MIGA2: variants seen among roughly 807,000 people sequenced by gnomAD.
The protein encoded by MIGA2 is mitoguardin 2.
Under a neutral mutation model 69.9 loss-of-function variants are expected in MIGA2, and 36 were observed. That is an observed-to-expected ratio of 0.52 (90% CI 0.39 to 0.68). The LOEUF is 0.68. Ranked by LOEUF, MIGA2 falls within the 30% of genes least tolerant of loss-of-function variation. MIGA2 has a pLI of 0.00. For missense variants in MIGA2, 660 were observed against 787.7 expected, an observed-to-expected ratio of 0.84 and a Z score of 1.94; for synonymous variants, 333 against 349.2, an observed-to-expected ratio of 0.95 and a Z score of 0.52.
intron 6 of MIGA2, among the ~76,000 whole-genome samples, chr9:129,052,799 C>G (rs566784642): frequency 6.6e-6 from 1 of 152,066 alleles, no homozygotes; most frequent in Non-Finnish European, 1.5e-5. Context: ...CCTGCTGGGG[C>G]GTGAGCTCAG....
chr9:129,056,659 C>T (rs1845812476), intron 6 of MIGA2, among the ~76,000 whole-genome samples: 1 of 151,940 alleles, frequency 6.6e-6, no homozygotes. Context: ...GCTGGAATTA[C>T]AGGCGCACAC....
At position 129,069,153 on chromosome 9, in the gene MIGA2, G is replaced by A. The variant is rs769231327; in HGVS notation, c.1458+24G>A. 2 of 1,613,456 alleles carry A rather than the reference G, an allele frequency of 1.2e-6. No homozygotes were observed. Among genetic ancestry groups the A allele is most frequent in the East Asian group, 2.2e-5 (1 of 44,890 alleles). Reference sequence around the variant, plus strand: ...TGGTGAGTGACTGGCAGGCCCGGGGGAGCACGAGCTGGGCTCTGAGGCAGC... The same window carrying A: ...TGGTGAGTGACTGGCAGGCCCGGGGAAGCACGAGCTGGGCTCTGAGGCAGC... On this transcript the variant is annotated intron_variant, in intron 14 of 15. Coordinates refer to ENST00000684074, the MANE Select transcript of MIGA2 (RefSeq NM_001329990.2). This position sits in a 1 kb window ranked among gnomAD's most constrained non-coding sequence, Gnocchi z 4.9.
chr9:129,055,848 G>GA (rs561485747), intron 6 of MIGA2, among the ~76,000 whole-genome samples: 26,615 of 135,300 alleles, frequency 0.2, 3,365 homozygotes, highest in African/African-American at 0.38. Flanking sequence ...GACTCCATCT[G>GA]AAAAAAAAAA....
Position 129,060,564 on chromosome 9 carries a change from C to T in MIGA2, c.808C>T (p.Leu270=). Residue 270 remains leucine (L), a synonymous_variant, in exon 8 of 16, where the codon CTG becomes TTG. Coordinates refer to ENST00000684074, the MANE Select transcript of MIGA2 (RefSeq NM_001329990.2). The surrounding 1 kb of genome is among the most constrained non-coding windows in gnomAD (Gnocchi z 4.8). ...MLLDLERTLM[L]PLTEGSLRLR... Reference sequence around the variant, plus strand: ...GCTCTTCCCAGAGAGGACCCTCATGCTGCCCCTGACCGAGGGCTCGCTGCG... The same window carrying T: ...GCTCTTCCCAGAGAGGACCCTCATGTTGCCCCTGACCGAGGGCTCGCTGCG... The T allele has an allele frequency of 6.3e-7, 1 of 1,599,434 alleles. No homozygotes were observed. Among genetic ancestry groups the T allele is most frequent in the Non-Finnish European group, 8.5e-7 (1 of 1,172,626 alleles).
In MIGA2 at chr9:129,060,735, G is replaced by A. The variant is rs1041913624; in HGVS notation, c.894+85G>A. 16 of 1,136,652 alleles carry A rather than the reference G, an allele frequency of 1.4e-5. 1 individual carries two copies. The Middle Eastern group carries it at 1.6e-3, about 111-fold the overall frequency. 70.4% of individuals were successfully genotyped at this position (1,136,652 alleles called of 1,614,324 possible). ...CCATGGGGCCAGCACTGGGTCATGG[G>A]AAAGTGGAGGCATTTCCTCTGATGG... On this transcript the variant is annotated intron_variant, in intron 8 of 15. Coordinates refer to ENST00000684074, the MANE Select transcript of MIGA2 (RefSeq NM_001329990.2). The surrounding 1 kb of genome is among the most constrained non-coding windows in gnomAD (Gnocchi z 4.8).
intron 3 of MIGA2, among the ~76,000 whole-genome samples, chr9:129,044,372 A>G (rs1046653649): frequency 1.3e-5 from 2 of 151,586 alleles, no homozygotes; most frequent in African/African-American, 4.8e-5. Context: ...CTATCGTTGT[A>G]TCACTCTCTA....
Position 129,059,091 on chromosome 9 carries a change from G to A in MIGA2, c.676-63G>A. 1.4e-6 allele frequency: 2 copies of A among 1,473,380 alleles called. No homozygotes were observed. The highest frequency in any genetic ancestry group is 2.3e-5 in the East Asian group (1 of 43,862). 91.3% of individuals were successfully genotyped at this position (1,473,380 alleles called of 1,614,324 possible). A position where few individuals can be genotyped will look rare whatever the true frequency, so the allele number is the denominator to read the frequency against. ...TTTCCCCAGGGACCTGGGGGTGAGG[G>A]AAGGGGCCATTTTCATCGGGAGCTT... On this transcript the variant is annotated intron_variant, in intron 6 of 15. Coordinates refer to ENST00000684074, the MANE Select transcript of MIGA2 (RefSeq NM_001329990.2). The surrounding 1 kb of genome is among the most constrained non-coding windows in gnomAD (Gnocchi z 5.6).
In MIGA2 at chr9:129,060,188, G is replaced by A. The variant is rs1381618011; in HGVS notation, c.794-362G>A. 1.3e-5 allele frequency among the ~76,000 whole-genome samples: 2 copies of A among 152,138 alleles called. No individual in the cohort carries two copies. Among genetic ancestry groups the A allele is most frequent in the East Asian group, 3.9e-4 (2 of 5,180 alleles). ...AGTTTCAGCTTGTCAGAGGAGAGAGGCGATTTCCCCGGGGCCACACAGTTC... is the reference window on the plus strand; with the variant it reads ...AGTTTCAGCTTGTCAGAGGAGAGAGACGATTTCCCCGGGGCCACACAGTTC... On this transcript the variant is annotated intron_variant, in intron 7 of 15. Coordinates refer to ENST00000684074, the MANE Select transcript of MIGA2 (RefSeq NM_001329990.2). This position sits in a 1 kb window ranked among gnomAD's most constrained non-coding sequence, Gnocchi z 4.8.
In MIGA2 at chr9:129,068,472, AC is replaced by A; in HGVS notation, c.1404+142del. The A allele has an allele frequency of 8.2e-7, 1 of 1,226,734 alleles. No homozygotes were observed. Among genetic ancestry groups the A allele is most frequent in the Non-Finnish European group, 1.1e-6 (1 of 886,920 alleles). The allele number at this position is 1,226,734 out of a possible 1,614,324, so 76.0% of individuals were successfully genotyped here. Reference sequence around the variant, plus strand: ...GATCCGCGGCTGCCAGGCCTGGGAGACCAGAGTCTGCCCTGGAGAAGCCTCC... The same window carrying A: ...GATCCGCGGCTGCCAGGCCTGGGAGACAGAGTCTGCCCTGGAGAAGCCTCC... On this transcript the variant is annotated intron_variant, in intron 13 of 15. Transcript: ENST00000684074. This position sits in a 1 kb window ranked among gnomAD's most constrained non-coding sequence, Gnocchi z 4.1.
At chr9:129,051,709 G>A (rs1845552551) in intron 6 of MIGA2, among the ~76,000 whole-genome samples, 1 of 150,986 alleles carries the variant, frequency 6.6e-6, no homozygotes. Context: ...CCATTCTCTT[G>A]CCTCAGCCTC....
intron 12 of MIGA2, 40 bp downstream of exon 12, chr9:129,067,911 C>A: frequency 6.3e-7 from 1 of 1,582,654 alleles, no homozygotes; most frequent in South Asian, 1.1e-5. Context: ...CCCGGGCTCC[C>A]CTGCATCTGA....
intron 3 of MIGA2, among the ~76,000 whole-genome samples, chr9:129,045,366 C>T (rs779879699): frequency 8.7e-5 from 12 of 138,274 alleles, no homozygotes; most frequent in Non-Finnish European, 9.1e-5. Context: ...CGCTTGAACC[C>T]GGGAGGCAGA....
intron 3 of MIGA2, among the ~76,000 whole-genome samples, chr9:129,044,200 GC>G (rs1845080817): frequency 6.6e-6 from 1 of 151,562 alleles, no homozygotes; most frequent in Non-Finnish European, 1.5e-5. Context: ...CACCATGTTA[GC>G]CAGGCTGGTC....
chr9:129,070,050 C>T (rs1846588638), intron 15 of MIGA2, 85 bp downstream of exon 15: 9 of 1,274,406 alleles, frequency 7.1e-6, no homozygotes, highest in South Asian at 2.8e-5. Flanking sequence ...GGATGAGGGC[C>T]TGGGCCTGGG....
Position 129,061,263 on chromosome 9 carries a change from G to A in MIGA2, c.927G>A (p.Pro309=), listed in dbSNP as rs769104486. 3.8e-5 allele frequency: 61 copies of A among 1,610,930 alleles called. No homozygotes were observed. The highest frequency in any genetic ancestry group is 4.6e-5 in the Non-Finnish European group (54 of 1,179,068). ...AGTCCCTGCAGACTGGAGATTACCC[G>A]ATCCCACTCTCCAGACCCGCCGCTG... ...LFESLQTGDY[P]IPLSRPAAAY... Residue 309 remains proline, a synonymous_variant, in exon 9 of 16, where the codon CCG becomes CCA. Transcript: ENST00000684074. This position sits in a 1 kb window ranked among gnomAD's most constrained non-coding sequence, Gnocchi z 5.0.
intron 6 of MIGA2, among the ~76,000 whole-genome samples, 195 bp downstream of exon 6, chr9:129,050,158 G>T (rs1426092110): frequency 6.6e-6 from 1 of 152,240 alleles, no homozygotes; most frequent in Non-Finnish European, 1.5e-5. Flanking sequence ...GGTAAAAACA[G>T]CCGTACTGAG....
intron 3 of MIGA2, among the ~76,000 whole-genome samples, chr9:129,044,753 A>ATGTTGGCCAGGCTGGTCTG (rs376972819): frequency 6.6e-6 from 1 of 151,060 alleles, no homozygotes; most frequent in Non-Finnish European, 1.5e-5. Context: ...GGGTTTCACC[A>ATGTTGGCCAGGCTGGTCTG]TGTTGGCCAG....
rs1300275231 is a variant in MIGA2 at position 129,040,780 on chromosome 9, C to T, written c.96+90C>T. On this transcript the variant is annotated intron_variant, in intron 2 of 15. Coordinates refer to ENST00000684074, the MANE Select transcript of MIGA2 (RefSeq NM_001329990.2). ...TCCGTGTCCAGGAACGCTGAGCCCTCGTTCTTGCTTTGCCAAACCTCTGGT... is the reference window on the plus strand; with the variant it reads ...TCCGTGTCCAGGAACGCTGAGCCCTTGTTCTTGCTTTGCCAAACCTCTGGT... 1.2e-5 allele frequency: 15 copies of T among 1,222,090 alleles called. No homozygotes were observed. In the Admixed American group the frequency reaches 2.5e-4, roughly 21 times the overall value. 75.7% of individuals were successfully genotyped at this position (1,222,090 alleles called of 1,614,324 possible). A position where few individuals can be genotyped will look rare whatever the true frequency, so the allele number is the denominator to read the frequency against.
At chr9:129,051,935 C>T (rs1167073907) in intron 6 of MIGA2, among the ~76,000 whole-genome samples, 2 of 151,890 alleles carry the variant, frequency 1.3e-5, no homozygotes, top group Non-Finnish European at 2.9e-5. Context: ...ACGCCACTCT[C>T]CTGCCTCAGC....
Sources: gnomAD v4.1 joint callset for allele counts (sites outside exome capture counted in the v4.1 genomes callset) on GRCh38, gnomAD v4.1.1 for gene constraint, Gnocchi (gnomAD v3.1) non-coding constraint, MANE v1.5 for transcripts, NCBI Gene and HGNC (gene_info 2026-07-23, HGNC 2026-07-21) for gene names.